The following CCDC201 variants were observed in gnomAD, a reference collection of about 807,000 sequenced individuals.
CCDC201 encodes coiled-coil domain containing 201.
At chr7:45,882,541 G>C in the CCDC201 span, among the ~76,000 whole-genome samples, 1 of 152,198 alleles carries the variant, frequency 6.6e-6, no homozygotes, top group Non-Finnish European at 1.5e-5. Context: ...ACAATTGTCA[G>C]AGTTGAGTTG....
chr7:45,881,625 G>A, the CCDC201 span, among the ~76,000 whole-genome samples: 1 of 152,222 alleles, frequency 6.6e-6, no homozygotes, highest in African/African-American at 2.4e-5. Context: ...CACCTGAGCA[G>A]CCTTGATGCG....
chr7:45,876,769 A>G (rs2116531523), upstream of CCDC201, among the ~76,000 whole-genome samples: 1 of 152,366 alleles, frequency 6.6e-6, no homozygotes, highest in African/African-American at 2.4e-5. Flanking sequence ...ACTGGGCAGC[A>G]GCCAGGGGAG....
the CCDC201 span, among the ~76,000 whole-genome samples, chr7:45,880,058 C>T: frequency 6.6e-6 from 1 of 152,092 alleles, no homozygotes; most frequent in Non-Finnish European, 1.5e-5. Context: ...TGCACTCCAG[C>T]CCGGGTGACA....
chr7:45,863,940 CAG>C (rs1786634055), intron 2 of CCDC201, among the ~76,000 whole-genome samples: 2 of 152,148 alleles, frequency 1.3e-5, no homozygotes, highest in Non-Finnish European at 2.9e-5. Context: ...GGAGCAGAGA[CAG>C]AGTGGCCAAA....
At chr7:45,872,050 C>G (rs112797500) in intron 1 of CCDC201, among the ~76,000 whole-genome samples, 212 of 152,312 alleles carry the variant, frequency 1.4e-3, no homozygotes, top group African/African-American at 4.7e-3. Context: ...ATATTCGAAA[C>G]AGCTAAAAAC....
the CCDC201 span, among the ~76,000 whole-genome samples, chr7:45,878,544 A>C: frequency 6.6e-6 from 1 of 152,232 alleles, no homozygotes; most frequent in East Asian, 1.9e-4. Flanking sequence ...CTTGGGGCTT[A>C]CACCCTCTGA....
the CCDC201 span, among the ~76,000 whole-genome samples, chr7:45,881,127 G>A: frequency 1.3e-5 from 2 of 152,176 alleles, no homozygotes; most frequent in African/African-American, 4.8e-5. Context: ...CCGGGTAAGT[G>A]TCATCTTCTA....
chr7:45,882,313 C>T, the CCDC201 span, among the ~76,000 whole-genome samples: 2 of 152,186 alleles, frequency 1.3e-5, no homozygotes, highest in African/African-American at 2.4e-5. Flanking sequence ...AACGAGCCAC[C>T]GTGCTGCTCA....
the CCDC201 span, among the ~76,000 whole-genome samples, chr7:45,882,032 T>C: frequency 6.6e-6 from 1 of 152,192 alleles, no homozygotes; most frequent in African/African-American, 2.4e-5. Flanking sequence ...GTGTTGATCA[T>C]GGAACATAAG....
At chr7:45,878,639 C>T in the CCDC201 span, among the ~76,000 whole-genome samples, 1 of 152,240 alleles carries the variant, frequency 6.6e-6, no homozygotes, top group African/African-American at 2.4e-5. Flanking sequence ...TGTCCCAAGG[C>T]TGTATAGAGC....
chr7:45,865,153 T>C (rs1262742195), intron 2 of CCDC201, among the ~76,000 whole-genome samples: 1 of 152,062 alleles, frequency 6.6e-6, no homozygotes, highest in Non-Finnish European at 1.5e-5. Context: ...GGCCAGAGGA[T>C]AAACCAGGAA....
intron 1 of CCDC201, among the ~76,000 whole-genome samples, chr7:45,872,236 A>G (rs1267887275): frequency 1.3e-5 from 2 of 152,228 alleles, no homozygotes; most frequent in Non-Finnish European, 2.9e-5. Flanking sequence ...GAAGAAGCCC[A>G]GGCACGGGAA....
At chr7:45,877,693 C>T (rs1208304264), upstream of CCDC201, among the ~76,000 whole-genome samples, 2 of 152,184 alleles carry the variant, frequency 1.3e-5, no homozygotes, top group East Asian at 1.9e-4. Context: ...CCAATCACCT[C>T]CCATCAGGAC....
At chr7:45,884,074 C>T in the CCDC201 span, among the ~76,000 whole-genome samples, 1 of 144,698 alleles carries the variant, frequency 6.9e-6, no homozygotes, top group Non-Finnish European at 1.5e-5. Flanking sequence ...CCTCCCTTTC[C>T]TCCATTCTTT....
At chr7:45,877,859 A>T (rs1786833247), upstream of CCDC201, among the ~76,000 whole-genome samples, 1 of 152,198 alleles carries the variant, frequency 6.6e-6, no homozygotes, top group South Asian at 2.1e-4. Context: ...CAGAGTCTTA[A>T]CTCATTACAG....
At chr7:45,869,240 A>G (rs886881474) in intron 1 of CCDC201, among the ~76,000 whole-genome samples, 18 of 152,268 alleles carry the variant, frequency 1.2e-4, no homozygotes, top group African/African-American at 4.3e-4. Flanking sequence ...TCTTGGAACC[A>G]TCTATTCAGT....
the CCDC201 span, among the ~76,000 whole-genome samples, chr7:45,880,096 A>G: frequency 6.6e-6 from 1 of 152,226 alleles, no homozygotes; most frequent in Non-Finnish European, 1.5e-5. Context: ...CACACACAAA[A>G]AAATAAAGTT....
At chr7:45,881,635 G>A in the CCDC201 span, among the ~76,000 whole-genome samples, 1 of 152,162 alleles carries the variant, frequency 6.6e-6, no homozygotes, top group Non-Finnish European at 1.5e-5. Context: ...GCCTTGATGC[G>A]GGGAGAGCAT....
chr7:45,875,741 G>T (rs193010288), upstream of CCDC201, among the ~76,000 whole-genome samples: 1 of 151,676 alleles, frequency 6.6e-6, no homozygotes, highest in Non-Finnish European at 1.5e-5. Flanking sequence ...GCTTGGTCCC[G>T]GTTCCCAGTT....
Sources: allele counts gnomAD v4.1 joint callset (sites outside exome capture counted in the v4.1 genomes callset), GRCh38; gene constraint gnomAD v4.1.1; transcripts MANE v1.5; gene names NCBI Gene and HGNC (gene_info 2026-07-23, HGNC 2026-07-21).